CANX: variants seen among roughly 807,000 people sequenced by gnomAD.
CANX encodes calnexin, also known as epididymis secretory sperm binding protein.
CANX carries 14 observed loss-of-function variants against 75.7 expected under a neutral mutation model. That is an observed-to-expected ratio of 0.19 (90% CI 0.12 to 0.29). The LOEUF (loss-of-function observed/expected upper bound fraction) is 0.29. Among genes scored for constraint, CANX ranks in the 10% least tolerant of loss-of-function variants. CANX has a pLI of 1.00. For missense variants in CANX, 567 were observed against 713.2 expected (o/e 0.79, Z 2.34); for synonymous variants, 227 against 236.9 (o/e 0.96, Z 0.38).
Position 179,730,092 on chromosome 5 carries a change from A to G in CANX, c.*1448A>G, listed in dbSNP as rs114977196. The G allele has an allele frequency of 5.5e-3, 844 of 152,602 alleles. 5 individuals carry two copies. Among genetic ancestry groups the G allele is most frequent in the Non-Finnish European group, 8.7e-3 (589 of 68,004 alleles). 9.5% of individuals were successfully genotyped at this position (152,602 alleles called of 1,614,324 possible). ...CACACCACTATAGTGTAATAATGTTATTATTACTCTACACTGAAACGTATT... is the reference window on the plus strand; with the variant it reads ...CACACCACTATAGTGTAATAATGTTGTTATTACTCTACACTGAAACGTATT... On this transcript the variant is annotated 3_prime_UTR_variant, in exon 15 of 15. Coordinates refer to ENST00000247461, the MANE Select transcript of CANX (RefSeq NM_001746.4).
chr5:179,710,296 G>A (rs574744090), intron 7 of CANX, among the ~76,000 whole-genome samples: 58 of 151,700 alleles, frequency 3.8e-4, no homozygotes, highest in Admixed American at 7.3e-4. Flanking sequence ...GGTGGTGCAC[G>A]CCTGTAACCG....
intron 1 of CANX, chr5:179,704,206 T>C (rs1776968611): frequency 6.6e-6 from 1 of 152,144 alleles, no homozygotes; most frequent in African/African-American, 2.4e-5. Flanking sequence ...ACATCTAATA[T>C]AATACACAGG....
At chr5:179,726,832 G>C in intron 14 of CANX, 73 bp downstream of exon 14, 1 of 1,182,466 alleles carries the variant, frequency 8.5e-7, no homozygotes, top group Non-Finnish European at 1.3e-6. Flanking sequence ...TATTTTAATA[G>C]GGTAGTTTAC....
chr5:179,679,689 G>C (rs971391255), intron 1 of CANX, among the ~76,000 whole-genome samples: 19 of 152,082 alleles, frequency 1.2e-4, no homozygotes, highest in Middle Eastern at 3.4e-3. Flanking sequence ...ACTGAGTCTC[G>C]CTGTCGTTGC....
chr5:179,716,342 T>C (rs769181275), intron 8 of CANX, 48 bp downstream of exon 8: 2 of 1,407,686 alleles, frequency 1.4e-6, no homozygotes, highest in Non-Finnish European at 9.9e-7. Context: ...ATTTCATATA[T>C]TCCATGTGGC....
At position 179,724,647 on chromosome 5, in the gene CANX, A is replaced by T; in HGVS notation, c.1519-10A>T. 6.2e-7 allele frequency: 1 copy of T among 1,610,566 alleles called. No homozygotes were observed. Among genetic ancestry groups the T allele is most frequent in the Non-Finnish European group, 8.5e-7 (1 of 1,178,150 alleles). On this transcript the variant is annotated splice_polypyrimidine_tract_variant and intron_variant, in intron 12 of 14. Coordinates refer to ENST00000247461, the MANE Select transcript of CANX (RefSeq NM_001746.4). ...ATGTAAACAAAATTGTACTTTGGGG[A>T]ACATTTCAGAAACAGACCAGTGGTA... is the stretch of plus-strand genomic sequence containing the variant.
intron 14 of CANX, 78 bp downstream of exon 14, chr5:179,726,837 GT>G: frequency 9.3e-7 from 1 of 1,072,410 alleles, no homozygotes; most frequent in African/African-American, 1.6e-5. Flanking sequence ...TAATAGGGTA[GT>G]TTACAGTGGC....
chr5:179,714,491 A>G (rs1044404566), intron 7 of CANX, among the ~76,000 whole-genome samples: 4 of 152,024 alleles, frequency 2.6e-5, no homozygotes, highest in South Asian at 2.1e-4. Flanking sequence ...TTTACATGCT[A>G]TATCTAACTT....
intron 8 of CANX, among the ~76,000 whole-genome samples, chr5:179,718,504 T>G (rs1272955208): frequency 6.6e-6 from 1 of 151,988 alleles, no homozygotes; most frequent in Non-Finnish European, 1.5e-5. Flanking sequence ...ATTACAGGCG[T>G]GTGCCACCGT....
chr5:179,705,612 G>A, intron 1 of CANX, 67 bp from the exon 2 acceptor site: 1 of 1,108,276 alleles, frequency 9.0e-7, no homozygotes, highest in Non-Finnish European at 1.3e-6. Context: ...ATGAGAGAGT[G>A]GTTAGTGATC....
upstream of CANX, chr5:179,698,488 A>C (rs932272814): frequency 2.3e-6 from 3 of 1,289,190 alleles, no homozygotes; most frequent in African/African-American, 4.6e-5. Flanking sequence ...GTTCGCTGCA[A>C]CGGGCCCTTC....
In CANX at chr5:179,730,876, A is replaced by G. The variant is rs1778950034; in HGVS notation, c.*2232A>G. On this transcript the variant is annotated 3_prime_UTR_variant, in exon 15 of 15. Transcript: ENST00000247461. ...TCCACAAAGTACTCCTCACTTTTCAATTTGTCATGTTACTAAATGGTGTTA... is the reference window on the plus strand; with the variant it reads ...TCCACAAAGTACTCCTCACTTTTCAGTTTGTCATGTTACTAAATGGTGTTA... 6.6e-6 allele frequency: 1 copy of G among 152,116 alleles called. No individual in the cohort carries two copies. The highest frequency in any genetic ancestry group is 2.4e-5 in the African/African-American group (1 of 41,408). 9.4% of individuals were successfully genotyped at this position (152,116 alleles called of 1,614,324 possible). A position where few individuals can be genotyped will look rare whatever the true frequency, so the allele number is the denominator to read the frequency against.
rs141802448 is a variant in CANX, at chr5:179,690,612, C to T, written c.-4+11835C>T. Among the ~76,000 whole-genome samples the T allele has an allele frequency of 6.2e-3, 902 of 145,586 alleles. 10 individuals carry two copies. The highest frequency in any genetic ancestry group is 0.021 in the African/African-American group (836 of 39,332). On this transcript the variant is annotated intron_variant, in intron 1 of 14. Coordinates refer to the CANX transcript ENST00000681674. ...AAAAAAAAAAAAATCTGAAAAAAGG[C>T]TGGGCCCAGTGGCTCACGCCTGTAA...
chr5:179,716,329 A>G (rs748706708), intron 8 of CANX, 35 bp downstream of exon 8: 1 of 1,496,454 alleles, frequency 6.7e-7, no homozygotes, highest in Non-Finnish European at 9.2e-7. Flanking sequence ...AGTGTAAGGG[A>G]GCATTTCATA....
intron 1 of CANX, among the ~76,000 whole-genome samples, chr5:179,693,110 C>A (rs1776327433): frequency 7.9e-6 from 1 of 126,916 alleles, no homozygotes; most frequent in African/African-American, 2.8e-5. Flanking sequence ...CATGCCACTG[C>A]ACTCCAGCCT....
At chr5:179,725,807 G>A (rs1394814885) in intron 13 of CANX, among the ~76,000 whole-genome samples, 1 of 146,652 alleles carries the variant, frequency 6.8e-6, no homozygotes, top group Non-Finnish European at 1.5e-5. Context: ...GGCCAACACA[G>A]TGAAGCCCCG....
At chr5:179,721,920 T>A (rs1485755927) in intron 10 of CANX, among the ~76,000 whole-genome samples, 1 of 152,142 alleles carries the variant, frequency 6.6e-6, no homozygotes, top group African/African-American at 2.4e-5. Context: ...CATATACTAA[T>A]ATATGTTTTT....
At chr5:179,727,708 A>G (rs995015630) in intron 14 of CANX, among the ~76,000 whole-genome samples, 2 of 152,168 alleles carry the variant, frequency 1.3e-5, no homozygotes, top group Admixed American at 6.5e-5. Context: ...AGGGAGAATC[A>G]GGGCGACCAG....
At chr5:179,723,625 C>T in intron 11 of CANX, 35 bp from the exon 12 acceptor site, 1 of 1,605,782 alleles carries the variant, frequency 6.2e-7, no homozygotes, top group South Asian at 1.1e-5. Flanking sequence ...GTGTCAAAAG[C>T]TGGAACTTTC....
Sources: gnomAD v4.1 joint callset for allele counts (sites outside exome capture counted in the v4.1 genomes callset) on GRCh38, gnomAD v4.1.1 for gene constraint, MANE v1.5 for transcripts, NCBI Gene and HGNC (gene_info 2026-07-23, HGNC 2026-07-21) for gene names.